The following MSANTD3 variants were observed in gnomAD, a reference collection of about 807,000 sequenced individuals.
The protein encoded by MSANTD3 is Myb/SANT DNA binding domain containing 3, also known as myb/SANT-like DNA-binding domain-containing protein 3.
In MSANTD3, 11 loss-of-function variants were observed where a neutral mutation model predicts 27.7. The observed-to-expected ratio is 0.40, with a 90% CI of 0.25 to 0.66. MSANTD3 has a LOEUF of 0.66. Ranked by LOEUF, MSANTD3 falls within the 30% of genes least tolerant of loss-of-function variation. MSANTD3 has a pLI of 0.41. For missense variants in MSANTD3, 250 were observed against 336.5 expected, an observed-to-expected ratio of 0.74 and a Z score of 2.01; for synonymous variants, 131 against 127.2, an observed-to-expected ratio of 1.03 and a Z score of -0.20.
chr9:100,432,465 G>A (rs982640071), intron 1 of MSANTD3, among the ~76,000 whole-genome samples: 12 of 152,200 alleles, frequency 7.9e-5, no homozygotes, highest in Non-Finnish European at 1.8e-4. Flanking sequence ...ATGTTTGCAA[G>A]AAGGAAACGA....
At chr9:100,445,910 T>C (rs1001244692) in intron 2 of MSANTD3, among the ~76,000 whole-genome samples, 1 of 152,178 alleles carries the variant, frequency 6.6e-6, no homozygotes, top group African/African-American at 2.4e-5. Context: ...TATATTGATA[T>C]TTGCCAAAAA....
rs1244608678 is a variant in MSANTD3, at chr9:100,442,314, C to T, written c.376C>T (p.Pro126Ser). The T allele has an allele frequency of 6.2e-7, 1 of 1,613,866 alleles. No homozygotes were observed. Among genetic ancestry groups the T allele is most frequent in the South Asian group, 1.1e-5 (1 of 91,072 alleles). Residue 126 changes from proline (P) to serine (S), a missense_variant, in exon 2 of 3, where the codon CCG becomes TCG. By Grantham distance (74) the Pro-to-Ser change is moderately conservative (BLOSUM62 -1). Around this residue, in one of 3 missense-constraint regions of MSANTD3, gnomAD observed 235 missense variants for 299.3 expected, o/e 0.79. Transcript: ENST00000395067. ...PEQLYFLQSP[P>S]EEEPEYHPDA... ...GCAGCTCTACTTCCTGCAGAGCCCC[C>T]CGGAGGAGGAGCCCGAATACCACCC...
intron 2 of MSANTD3, among the ~76,000 whole-genome samples, chr9:100,443,958 A>G (rs1836692699): frequency 1.3e-5 from 2 of 152,200 alleles, no homozygotes; most frequent in Non-Finnish European, 2.9e-5. Context: ...GGGAAATTCA[A>G]TTGTCAGTGC....
rs1271345117 is a variant in MSANTD3 at position 100,451,500 on chromosome 9, TC to T, written c.*536del. ...CACCTTTTTAATTTTCTCGGTGTCA[TC>T]CTCTGAGTATGGATTTTCTGTTTTT... is the stretch of plus-strand genomic sequence containing the variant. On this transcript the variant is annotated 3_prime_UTR_variant, in exon 3 of 3. Coordinates refer to ENST00000395067, the MANE Select transcript of MSANTD3 (RefSeq NM_080655.3). 6.6e-6 allele frequency: 1 copy of T among 151,986 alleles called. No individual in the cohort carries two copies. The highest frequency in any genetic ancestry group is 1.5e-5 in the Non-Finnish European group (1 of 68,024). 9.4% of individuals were successfully genotyped at this position (151,986 alleles called of 1,614,324 possible).
rs367876098 is a variant in MSANTD3, at chr9:100,450,589, G to A, written c.451G>A (p.Asp151Asn). The A allele has an allele frequency of 1.6e-5, 25 of 1,589,696 alleles. No homozygotes were observed. The African/African-American group carries it at 2.2e-4, about 14-fold the overall frequency. Reference sequence around the variant, plus strand: ...TGCTGTTTCAAATAGAGAACTGTGCGATGATGAGAAAGAGTTCATACATTT... The same window carrying A: ...TGCTGTTTCAAATAGAGAACTGTGCAATGATGAGAAAGAGTTCATACATTT... ...SFAVSNRELCDDEKEFIHFPV... is the reference protein window; with the variant it reads ...SFAVSNRELCNDEKEFIHFPV... Residue 151 changes from aspartate (D) to asparagine (N), a missense_variant, in exon 3 of 3, where the codon GAT becomes AAT. Physicochemically the swap from Asp to Asn is conservative, Grantham distance 23 (BLOSUM62 1). Around this residue, in one of 3 missense-constraint regions of MSANTD3, gnomAD observed 235 missense variants for 299.3 expected, o/e 0.79. Coordinates refer to ENST00000395067, the MANE Select transcript of MSANTD3 (RefSeq NM_080655.3).
At chr9:100,438,072 T>C (rs1164626266) in intron 1 of MSANTD3, among the ~76,000 whole-genome samples, 3 of 152,214 alleles carry the variant, frequency 2.0e-5, no homozygotes, top group Non-Finnish European at 4.4e-5. Context: ...CTAGAGGTAC[T>C]GCACACATCT....
At chr9:100,440,683 TG>T (rs1836594005) in intron 1 of MSANTD3, among the ~76,000 whole-genome samples, 1 of 148,658 alleles carries the variant, frequency 6.7e-6, no homozygotes, top group Non-Finnish European at 1.5e-5. Flanking sequence ...CTCGACCTCC[TG>T]GGCTCAAGCA....
chr9:100,443,399 CAA>C (rs376952309), intron 2 of MSANTD3, among the ~76,000 whole-genome samples: 24 of 117,520 alleles, frequency 2.0e-4, no homozygotes, highest in Admixed American at 2.6e-4. Flanking sequence ...AACTCCATCT[CAA>C]AAAAAAAAAA....
chr9:100,436,192 G>T (rs1836474427), intron 1 of MSANTD3, among the ~76,000 whole-genome samples: 1 of 151,982 alleles, frequency 6.6e-6, no homozygotes, highest in East Asian at 1.9e-4. Flanking sequence ...GGCTGAAGTG[G>T]GGTGACTGTT....
intron 1 of MSANTD3, among the ~76,000 whole-genome samples, chr9:100,433,664 C>A (rs1410146413): frequency 6.6e-6 from 1 of 152,140 alleles, no homozygotes; most frequent in East Asian, 1.9e-4. Flanking sequence ...TGGTGATCAC[C>A]ACACCTGGCC....
intron 1 of MSANTD3, among the ~76,000 whole-genome samples, chr9:100,436,581 G>C (rs1836483157): frequency 6.6e-6 from 1 of 152,174 alleles, no homozygotes; most frequent in Admixed American, 6.5e-5. Context: ...ATGCGGCAGG[G>C]AACGCTTTTT....
chr9:100,439,676 ATT>A (rs35738277), intron 1 of MSANTD3, among the ~76,000 whole-genome samples: 5 of 137,022 alleles, frequency 3.6e-5, no homozygotes, highest in East Asian at 2.1e-4. Context: ...CTCCCAGCTA[ATT>A]TTTTTTTTTT....
intron 2 of MSANTD3, among the ~76,000 whole-genome samples, chr9:100,446,741 T>G (rs1836762273): frequency 6.6e-6 from 1 of 151,866 alleles, no homozygotes; most frequent in Non-Finnish European, 1.5e-5. Flanking sequence ...ACGGGAGAAT[T>G]GCTTGAACCC....
chr9:100,437,035 C>A (rs557910834), intron 1 of MSANTD3, among the ~76,000 whole-genome samples: 2 of 152,314 alleles, frequency 1.3e-5, no homozygotes, highest in East Asian at 3.9e-4. Flanking sequence ...GAACTCCTGA[C>A]CTCAGGTGAT....
chr9:100,445,136 C>G (rs1169978477), intron 2 of MSANTD3: 1 of 1,409,874 alleles, frequency 7.1e-7, no homozygotes, highest in Admixed American at 1.7e-5. Flanking sequence ...AGTAAAACAA[C>G]TTTGAGTTCA....
intron 1 of MSANTD3, among the ~76,000 whole-genome samples, chr9:100,428,122 C>T (rs983704684): frequency 2.6e-5 from 4 of 152,206 alleles, no homozygotes; most frequent in Admixed American, 6.5e-5. Context: ...CTGTAAATTG[C>T]ATGAATAATC....
At position 100,442,362 on chromosome 9, in the gene MSANTD3, C is replaced by G; in HGVS notation, c.418+6C>G. On this transcript the variant is annotated splice_donor_region_variant and intron_variant, in intron 2 of 2. Transcript: ENST00000395067. ...CCCCGACGCCTCAGCCCAAGGTATC[C>G]GTTCCTGATGCCAGTGTGCACGCTC... The G allele has an allele frequency of 6.2e-7, 1 of 1,605,376 alleles. No individual in the cohort carries two copies. The highest frequency in any genetic ancestry group is 8.5e-7 in the Non-Finnish European group (1 of 1,176,528).
chr9:100,433,424 C>G (rs1836413500), intron 1 of MSANTD3, among the ~76,000 whole-genome samples: 1 of 152,102 alleles, frequency 6.6e-6, no homozygotes, highest in African/African-American at 2.4e-5. Flanking sequence ...GGCTGGCATG[C>G]AGTGGCATGA....
chr9:100,450,708 AG>A lies in MSANTD3; in HGVS notation c.572del (p.Gly191ValfsTer3). 6.2e-7 allele frequency: 1 copy of A among 1,614,202 alleles called. No individual in the cohort carries two copies. The highest frequency in any genetic ancestry group is 8.5e-7 in the Non-Finnish European group (1 of 1,180,028). ...KNYRSKTSQE[G>X]ALKKMHEEEH... ...ACTACAGGAGCAAAACCTCTCAGGAAGGTGCTTTAAAAAAGATGCATGAGGA... is the reference window on the plus strand; with the variant it reads ...ACTACAGGAGCAAAACCTCTCAGGAAGTGCTTTAAAAAAGATGCATGAGGA... On this transcript the variant is annotated frameshift_variant, in exon 3 of 3. Coordinates refer to ENST00000395067, the MANE Select transcript of MSANTD3 (RefSeq NM_080655.3). LOFTEE classifies it high-confidence loss of function.
Sources: allele counts gnomAD v4.1 joint callset (sites outside exome capture counted in the v4.1 genomes callset), GRCh38; gene constraint gnomAD v4.1.1; regional missense constraint gnomAD v4.1.1; transcripts MANE v1.5; gene names NCBI Gene and HGNC (gene_info 2026-07-23, HGNC 2026-07-21).